DPH7: variants seen among roughly 807,000 people sequenced by gnomAD.
The protein encoded by DPH7 is diphthine methyltransferase.
Under a neutral mutation model 41.7 loss-of-function variants are expected in DPH7, and 44 were observed. That is an observed-to-expected ratio of 1.05 (90% confidence interval 0.83 to 1.36). The LOEUF (loss-of-function observed/expected upper bound fraction) is 1.36. Among genes scored for constraint, DPH7 ranks in the 40% most tolerant of loss-of-function variants. DPH7 has a pLI of 0.00. For missense variants in DPH7, 629 were observed against 577.5 expected (o/e 1.09, Z -0.91); for synonymous variants, 275 against 238.0 (o/e 1.16, Z -1.43).
chr9:137,559,331 C>T (rs756402917), intron 8 of DPH7, among the ~76,000 whole-genome samples: 3 of 152,156 alleles, frequency 2.0e-5, no homozygotes, highest in Non-Finnish European at 4.4e-5. Flanking sequence ...GGAAGACGCC[C>T]GTTGCCAGGC....
At chr9:137,575,107 C>G in intron 3 of DPH7, 2 of 1,230,318 alleles carry the variant, frequency 1.6e-6, no homozygotes, top group African/African-American at 1.6e-5. Context: ...GTCTCCCTCC[C>G]TTTCACACCC....
intron 8 of DPH7, among the ~76,000 whole-genome samples, chr9:137,559,942 G>A (rs1007604284): frequency 3.9e-5 from 6 of 152,196 alleles, no homozygotes; most frequent in Middle Eastern, 3.4e-3. Context: ...TCTCGTCGCC[G>A]CACACAGGGA....
chr9:137,564,786 G>T, intron 7 of DPH7, 107 bp downstream of exon 7: 1 of 1,445,670 alleles, frequency 6.9e-7, no homozygotes, highest in Non-Finnish European at 9.5e-7. Context: ...ACGAAATGCT[G>T]CAATGGTGCC....
intron 8 of DPH7, 53 bp from the exon 9 acceptor site, chr9:137,555,701 C>T: frequency 6.6e-7 from 1 of 1,522,922 alleles, no homozygotes; most frequent in South Asian, 1.3e-5. Flanking sequence ...CAGAGCCTCT[C>T]CCCAACCTGT....
chr9:137,573,353 T>C (rs1588917508), intron 5 of DPH7, among the ~76,000 whole-genome samples: 1 of 78,452 alleles, frequency 1.3e-5, no homozygotes, highest in African/African-American at 5.5e-5. Flanking sequence ...AGAGCAAGAC[T>C]CCATCTCAAA....
At chr9:137,561,968 C>T (rs553373177) in intron 8 of DPH7, among the ~76,000 whole-genome samples, 77 of 152,220 alleles carry the variant, frequency 5.1e-4, no homozygotes, top group African/African-American at 1.7e-3. Flanking sequence ...GGGTTCACGC[C>T]ATTCTCCTGC....
chr9:137,577,283 G>T (rs926252785), intron 2 of DPH7, among the ~76,000 whole-genome samples, 187 bp downstream of exon 2: 1 of 152,098 alleles, frequency 6.6e-6, no homozygotes, highest in African/African-American at 2.4e-5. Flanking sequence ...CACTTCCCCG[G>T]CTGGAACATG....
At chr9:137,578,552 G>A (rs1161312150) in intron 1 of DPH7, 73 bp downstream of exon 1, 1 of 1,379,440 alleles carries the variant, frequency 7.2e-7, no homozygotes, top group East Asian at 3.0e-5. Flanking sequence ...TCTCCTGGGC[G>A]ATTCGGTGCG....
chr9:137,555,380 A>G lies in DPH7; in HGVS notation c.1218T>C (p.Asn406=). ...CTGCTGTAGCCTGCAGCCAGGTGCC[A>G]TTCTTCCTCATGCCCTCTGTGAGTG... is the stretch of plus-strand genomic sequence containing the variant. ...MKPLTEGMRK[N]GTWLQATAAT... The change falls in exon 9 of 9, where the codon AAT becomes AAC. Residue 406 remains asparagine, a synonymous_variant. Coordinates refer to ENST00000277540, the MANE Select transcript of DPH7 (RefSeq NM_138778.5). The G allele has an allele frequency of 1.2e-6, 2 of 1,614,150 alleles. No homozygotes were observed. Among genetic ancestry groups the G allele is most frequent in the Non-Finnish European group, 1.7e-6 (2 of 1,180,022 alleles).
Position 137,570,190 on chromosome 9 carries a change from T to C in DPH7, c.640+4018A>G, listed in dbSNP as rs574368747. ...GCTGAACACACACTATGGACCCTCA[T>C]AATAGACACTACGGATACACAGTGA... On this transcript the variant is annotated intron_variant, in intron 5 of 8. Transcript: ENST00000277540. 7.3e-5 allele frequency among the ~76,000 whole-genome samples: 10 copies of C among 136,346 alleles called. No homozygotes were observed. The South Asian group carries it at 1.6e-3, about 21-fold the overall frequency. The allele number at this position is 136,346 out of a possible 152,430, so 89.4% of individuals were successfully genotyped here. A position where few individuals can be genotyped will look rare whatever the true frequency, so the allele number is the denominator to read the frequency against.
At chr9:137,573,411 G>C (rs1407491343) in intron 5 of DPH7, among the ~76,000 whole-genome samples, 2 of 145,758 alleles carry the variant, frequency 1.4e-5, no homozygotes, top group African/African-American at 5.1e-5. Flanking sequence ...GGGTGCAGTG[G>C]CTCACACCTG....
intron 8 of DPH7, among the ~76,000 whole-genome samples, chr9:137,563,481 G>A (rs1372281196): frequency 1.4e-5 from 2 of 138,552 alleles, no homozygotes; most frequent in East Asian, 2.2e-4. Context: ...GTGGTGAGCC[G>A]AGATCGCACC....
Position 137,577,473 on chromosome 9 carries a change from T to C in DPH7, c.284A>G (p.Lys95Arg), listed in dbSNP as rs200354277. Residue 95 changes from lysine to arginine, a missense_variant, in exon 2 of 9, where the codon AAA becomes AGA. Physicochemically the swap from Lys to Arg is conservative, Grantham distance 26. Coordinates refer to ENST00000277540, the MANE Select transcript of DPH7 (RefSeq NM_138778.5). ...AGTGGGATTATCACAGTTATACCATTTCATGTCCAGGATTGCAGAAGTATC... is the reference window on the plus strand; with the variant it reads ...AGTGGGATTATCACAGTTATACCATCTCATGTCCAGGATTGCAGAAGTATC... ...RKDTSAILDMKWCHIPVAGHA... is the reference protein window; with the variant it reads ...RKDTSAILDMRWCHIPVAGHA... The C allele has an allele frequency of 6.2e-7, 1 of 1,613,952 alleles. No individual in the cohort carries two copies. The highest frequency in any genetic ancestry group is 8.5e-7 in the Non-Finnish European group (1 of 1,179,934).
At chr9:137,559,320 G>A (rs1381442889) in intron 8 of DPH7, among the ~76,000 whole-genome samples, 1 of 152,194 alleles carries the variant, frequency 6.6e-6, no homozygotes, top group Non-Finnish European at 1.5e-5. Flanking sequence ...GCCAGCATCT[G>A]GGAAGACGCC....
Position 137,574,172 on chromosome 9 carries a change from C to T in DPH7, c.640+36G>A, listed in dbSNP as rs201966475. The T allele has an allele frequency of 8.3e-5, 132 of 1,596,976 alleles. No homozygotes were observed. In the African/African-American group the frequency reaches 1.7e-3, roughly 20 times the overall value. ...CTCCCTCCGCCCCTTCCTCAGCAAGCCTTCCATCAGAGGTGACCGGTGGAG... is the reference window on the plus strand; with the variant it reads ...CTCCCTCCGCCCCTTCCTCAGCAAGTCTTCCATCAGAGGTGACCGGTGGAG... On this transcript the variant is annotated intron_variant, in intron 5 of 8. Transcript: ENST00000277540.
At chr9:137,573,081 G>A (rs112287148) in intron 5 of DPH7, among the ~76,000 whole-genome samples, 1,528 of 152,326 alleles carry the variant, frequency 0.01, 18 homozygotes, top group African/African-American at 0.035. Flanking sequence ...GAATAAGTGG[G>A]CGGGGCAAGG....
chr9:137,558,228 C>A (rs1837862300), intron 8 of DPH7, among the ~76,000 whole-genome samples: 1 of 152,124 alleles, frequency 6.6e-6, no homozygotes, highest in Non-Finnish European at 1.5e-5. Flanking sequence ...TAGTTCACCT[C>A]TTCAACTTTA....
intron 5 of DPH7, 131 bp downstream of exon 5, chr9:137,574,077 A>G: frequency 9.5e-7 from 1 of 1,048,468 alleles, no homozygotes; most frequent in Non-Finnish European, 1.4e-6. Flanking sequence ...AAAAAAAAGT[A>G]CACTTTCCAT....
intron 5 of DPH7, among the ~76,000 whole-genome samples, chr9:137,573,614 C>T (rs1275436487): frequency 8.2e-6 from 1 of 121,294 alleles, no homozygotes; most frequent in Non-Finnish European, 1.6e-5. Flanking sequence ...ACCCAGGAGG[C>T]AAAGCTTGCA....
Sources: allele counts gnomAD v4.1 joint callset (sites outside exome capture counted in the v4.1 genomes callset), GRCh38; gene constraint gnomAD v4.1.1; transcripts MANE v1.5; gene names NCBI Gene and HGNC (gene_info 2026-07-23, HGNC 2026-07-21).